The following CLCN3 variants were observed in gnomAD, a reference collection of about 807,000 sequenced individuals.
CLCN3 encodes H(+)/Cl(-) exchange transporter 3.
A neutral mutation model predicts 83.4 loss-of-function variants in CLCN3; 16 were observed. That is an observed-to-expected ratio of 0.19 (90% CI 0.13 to 0.29). The LOEUF (loss-of-function observed/expected upper bound fraction) is 0.29. CLCN3 is among the 10% of genes least tolerant of loss of function. The pLI is 1.00. For missense variants in CLCN3, 544 were observed against 1,006.0 expected (o/e 0.54, Z 6.21); for synonymous variants, 322 against 346.2 (o/e 0.93, Z 0.78).
At chr4:169,689,319 GA>G in intron 5 of CLCN3, 89 bp downstream of exon 5, 1 of 1,108,098 alleles carries the variant, frequency 9.0e-7, no homozygotes, top group Non-Finnish European at 1.3e-6. Context: ...TCACATATTA[GA>G]TGATTACATA....
chr4:169,681,706 T>A (rs72694798), intron 3 of CLCN3, among the ~76,000 whole-genome samples: 15,450 of 151,536 alleles, frequency 0.1, 880 homozygotes, highest in African/African-American at 0.16. Flanking sequence ...CTGAGGATTT[T>A]AAAAAAAAAT....
In CLCN3 at chr4:169,723,038, C is replaced by G. The variant is rs906220802; in HGVS notation, c.*3041C>G. The G allele has an allele frequency of 6.6e-6, 1 of 152,056 alleles. No individual in the cohort carries two copies. The highest frequency in any genetic ancestry group is 2.4e-5 in the African/African-American group (1 of 41,376). 9.4% of individuals were successfully genotyped at this position (152,056 alleles called of 1,614,324 possible). On this transcript the variant is annotated 3_prime_UTR_variant, in exon 13 of 13. Coordinates refer to ENST00000513761, the MANE Select transcript of CLCN3 (RefSeq NM_001829.4). The stretch of plus-strand genomic sequence containing the variant: ...ATTAATTGTTTTCAGTTTTGGTTCA[C>G]GAAGAATGCTTAGTTAATCTGTAAT...
At chr4:169,653,198 C>T (rs555017882) in intron 2 of CLCN3, among the ~76,000 whole-genome samples, 38 of 151,946 alleles carry the variant, frequency 2.5e-4, no homozygotes, top group South Asian at 1.7e-3. Flanking sequence ...AGAGCTTTGC[C>T]GTTTACATTT....
chr4:169,688,494 A>G (rs976468873), intron 4 of CLCN3, among the ~76,000 whole-genome samples: 4 of 152,178 alleles, frequency 2.6e-5, no homozygotes, highest in African/African-American at 9.7e-5. Flanking sequence ...ATGCATAGTA[A>G]TTTTATGGCC....
intron 2 of CLCN3, among the ~76,000 whole-genome samples, chr4:169,664,807 C>T (rs1009489658): frequency 6.6e-6 from 1 of 152,142 alleles, no homozygotes; most frequent in African/African-American, 2.4e-5. Flanking sequence ...GTCAGAAATG[C>T]TTTGTATCAA....
chr4:169,674,044 C>T (rs1351558520), intron 2 of CLCN3, among the ~76,000 whole-genome samples: 1 of 152,194 alleles, frequency 6.6e-6, no homozygotes, highest in Non-Finnish European at 1.5e-5. Flanking sequence ...CATACTATGA[C>T]ATGATCTGCA....
intron 7 of CLCN3, among the ~76,000 whole-genome samples, chr4:169,694,566 C>T (rs543535651): frequency 1.8e-4 from 27 of 152,290 alleles, no homozygotes; most frequent in South Asian, 8.3e-4. Context: ...TGGCTGGGCG[C>T]GGTGGCTCAC....
chr4:169,706,918 A>C lies in CLCN3; in HGVS notation c.1801A>C (p.Thr601Pro). ...VSLVVIVFELTGGLEYIVPLM... is the reference protein window; with the variant it reads ...VSLVVIVFELPGGLEYIVPLM... Reference sequence around the variant, plus strand: ...CCTGGTGGTTATTGTTTTTGAGCTTACTGGAGGCTTGGAATATATTGTTCC... The same window carrying C: ...CCTGGTGGTTATTGTTTTTGAGCTTCCTGGAGGCTTGGAATATATTGTTCC... Residue 601 changes from threonine (T) to proline (P), a missense_variant, in exon 11 of 13, where the codon ACT becomes CCT. Thr to Pro is a conservative substitution (Grantham distance 38). Around this residue, in one of 6 missense-constraint regions of CLCN3, gnomAD observed 27 missense variants for 100.2 expected, o/e 0.27. Coordinates refer to ENST00000513761, the MANE Select transcript of CLCN3 (RefSeq NM_001829.4). 1 of 1,614,074 alleles carries C rather than the reference A, an allele frequency of 6.2e-7. No homozygotes were observed. The highest frequency in any genetic ancestry group is 8.5e-7 in the Non-Finnish European group (1 of 1,179,970).
At chr4:169,632,027 C>T (rs1773384901) in intron 1 of CLCN3, among the ~76,000 whole-genome samples, 1 of 152,086 alleles carries the variant, frequency 6.6e-6, no homozygotes, top group Non-Finnish European at 1.5e-5. Flanking sequence ...GAAACGACTC[C>T]AAAAAATGAG....
intron 2 of CLCN3, among the ~76,000 whole-genome samples, chr4:169,641,265 A>G (rs1730405215): frequency 6.6e-6 from 1 of 152,112 alleles, no homozygotes; most frequent in African/African-American, 2.4e-5. Context: ...CCCAGTCTCT[A>G]AATAAAAATA....
At chr4:169,663,507 A>AG in intron 2 of CLCN3, 1 of 289,672 alleles carries the variant, frequency 3.5e-6, no homozygotes, top group South Asian at 2.7e-5. Flanking sequence ...TTTAAAAAAC[A>AG]AAATTTTTTT....
chr4:169,645,117 T>C (rs1030816401), intron 2 of CLCN3, among the ~76,000 whole-genome samples: 1 of 152,240 alleles, frequency 6.6e-6, no homozygotes, highest in East Asian at 1.9e-4. Flanking sequence ...GACACGGATA[T>C]CTTAGTATTA....
chr4:169,660,242 A>T, intron 2 of CLCN3: 1 of 1,222,770 alleles, frequency 8.2e-7, no homozygotes, highest in African/African-American at 1.6e-5. Flanking sequence ...GTCGAACTAC[A>T]GTTTTAACCT....
chr4:169,654,961 AT>A (rs1730838915), intron 2 of CLCN3, among the ~76,000 whole-genome samples: 1 of 152,216 alleles, frequency 6.6e-6, no homozygotes, highest in South Asian at 2.1e-4. Context: ...GTATTTGCAC[AT>A]TTATCTACTG....
chr4:169,672,099 C>A (rs1241979127), intron 2 of CLCN3, among the ~76,000 whole-genome samples: 1 of 151,916 alleles, frequency 6.6e-6, no homozygotes, highest in Non-Finnish European at 1.5e-5. Flanking sequence ...GTAGTCCCAG[C>A]TACTCGGGAG....
intron 2 of CLCN3, among the ~76,000 whole-genome samples, chr4:169,638,178 A>T (rs960715538): frequency 2.6e-5 from 4 of 152,254 alleles, no homozygotes; most frequent in African/African-American, 7.2e-5. Flanking sequence ...CTTTTTGTTC[A>T]GTAGGCTACC....
rs1289039460 is a variant in CLCN3, at chr4:169,706,760, C to CT, written c.1751-107dup. ...TTTAGATGCTAATGCTTTTCCCTGA[C>CT]TGAGTTCTATTTGCCATTTAGTTTT... On this transcript the variant is annotated intron_variant, in intron 10 of 12. Coordinates refer to ENST00000513761, the MANE Select transcript of CLCN3 (RefSeq NM_001829.4). 6.0e-5 allele frequency: 50 copies of CT among 835,340 alleles called. No individual in the cohort carries two copies. The Admixed American group carries it at 1.1e-3, about 19-fold the overall frequency. The allele number at this position is 835,340 out of a possible 1,614,324, so 51.7% of individuals were successfully genotyped here. A position where few individuals can be genotyped will look rare whatever the true frequency, so the allele number is the denominator to read the frequency against.
At chr4:169,687,301 C>T (rs1732198810) in intron 3 of CLCN3, among the ~76,000 whole-genome samples, 1 of 152,096 alleles carries the variant, frequency 6.6e-6, no homozygotes, top group African/African-American at 2.4e-5. Context: ...CAGATCTTGG[C>T]TGGGCACGGT....
chr4:169,658,363 GCTGA>G lies in CLCN3; in HGVS notation c.161-21683_161-21680del, dbSNP rs1239684340. 2.0e-5 allele frequency among the ~76,000 whole-genome samples: 3 copies of G among 151,960 alleles called. No homozygotes were observed. In the East Asian group the frequency reaches 5.8e-4, roughly 29 times the overall value. On this transcript the variant is annotated intron_variant, in intron 2 of 12. Transcript: ENST00000513761. Reference sequence around the variant, plus strand: ...GGGAGGATTTCCCCCATCAGTGAGTGCTGACTGTCATTTTCATTCTTTATGATCA... The same window carrying G: ...GGGAGGATTTCCCCCATCAGTGAGTGCTGTCATTTTCATTCTTTATGATCA...
Sources: gnomAD v4.1 joint callset for allele counts (sites outside exome capture counted in the v4.1 genomes callset) on GRCh38, gnomAD v4.1.1 for gene constraint, gnomAD v4.1.1 regional missense constraint, MANE v1.5 for transcripts, NCBI Gene and HGNC (gene_info 2026-07-23, HGNC 2026-07-21) for gene names.